LINGO2: variants seen among roughly 807,000 people sequenced by gnomAD.
LINGO2 encodes leucine-rich repeat and immunoglobulin-like domain-containing nogo receptor-interacting protein 2.
In LINGO2, 14 loss-of-function variants were observed where a neutral mutation model predicts 30.6. That is an observed-to-expected ratio of 0.46 (90% CI 0.30 to 0.72). LINGO2 has a LOEUF of 0.72. Ranked by LOEUF, LINGO2 falls within the 30% of genes least tolerant of loss-of-function variation. LINGO2 has a pLI of 0.07. For synonymous variants in LINGO2, 317 were observed against 288.5 expected, an observed-to-expected ratio of 1.10 and a Z score of -1.00; for missense variants, 729 against 751.7, an observed-to-expected ratio of 0.97 and a Z score of 0.35.
the LINGO2 span, among the ~76,000 whole-genome samples, chr9:29,043,657 C>T: frequency 1.3e-5 from 2 of 151,856 alleles, no homozygotes; most frequent in African/African-American, 4.8e-5. Context: ...AAGGGATTGC[C>T]AGGTTAAGTA....
chr9:29,028,808 A>C, the LINGO2 span, among the ~76,000 whole-genome samples: 1 of 152,204 alleles, frequency 6.6e-6, no homozygotes, highest in African/African-American at 2.4e-5. Flanking sequence ...GGCAACCCAG[A>C]CTCCAGCAAG....
At chr9:28,059,056 T>G (rs1825055625) in intron 4 of LINGO2, among the ~76,000 whole-genome samples, 1 of 152,058 alleles carries the variant, frequency 6.6e-6, no homozygotes, top group Admixed American at 6.6e-5. Flanking sequence ...TTCCTAGTAG[T>G]TAGGCTGTTG....
At chr9:28,432,761 T>C (rs1823730698) in intron 2 of LINGO2, among the ~76,000 whole-genome samples, 1 of 152,120 alleles carries the variant, frequency 6.6e-6, no homozygotes, top group Admixed American at 6.6e-5. Flanking sequence ...ACTTTTAAAA[T>C]ACAGGATTCT....
intron 2 of LINGO2, among the ~76,000 whole-genome samples, chr9:28,454,073 G>A (rs1458802375): frequency 1.3e-5 from 2 of 151,982 alleles, no homozygotes; most frequent in Non-Finnish European, 2.9e-5. Flanking sequence ...CTTGAGTAAT[G>A]AGAGTGTCAC....
intron 5 of LINGO2, among the ~76,000 whole-genome samples, chr9:27,992,379 C>T (rs181490638): frequency 2.0e-5 from 3 of 152,120 alleles, no homozygotes; most frequent in Admixed American, 6.6e-5. Context: ...GTAATGTATG[C>T]ACTTACATAA....
the LINGO2 span, among the ~76,000 whole-genome samples, chr9:29,014,225 CA>C: frequency 1.3e-5 from 2 of 152,060 alleles, no homozygotes; most frequent in Non-Finnish European, 2.9e-5. Context: ...CTACCACCAC[CA>C]ATTTTGGAGA....
intron 3 of LINGO2, among the ~76,000 whole-genome samples, chr9:28,307,379 AC>A (rs577254511): frequency 0.018 from 2,665 of 152,082 alleles, 37 homozygotes; most frequent in Non-Finnish European, 0.026. Context: ...AAATTCAACA[AC>A]CCTTCATGCT....
At position 28,155,571 on chromosome 9, in the gene LINGO2, A is replaced by T. The variant is rs1394501342; in HGVS notation, c.-87+139637T>A. Among the ~76,000 whole-genome samples, 3 of 152,330 alleles carry T rather than the reference A, an allele frequency of 2.0e-5. No individual in the cohort carries two copies. In the East Asian group the frequency reaches 5.8e-4, roughly 29 times the overall value. On this transcript the variant is annotated intron_variant, in intron 4 of 5. Transcript: ENST00000379992. ...GTGGAAATGAAGTTTTTTCTAAAAT[A>T]TGTTCCATGAACATGGCAGAATAAA... is the stretch of plus-strand genomic sequence containing the variant.
intron 1 of LINGO2, among the ~76,000 whole-genome samples, chr9:28,593,592 T>TA (rs1825030187): frequency 6.6e-6 from 1 of 152,116 alleles, no homozygotes; most frequent in Non-Finnish European, 1.5e-5. Context: ...TTAGGTTTCA[T>TA]AAAATACTCC....
chr9:28,603,288 G>T (rs1389145383), intron 1 of LINGO2, among the ~76,000 whole-genome samples: 1 of 151,992 alleles, frequency 6.6e-6, no homozygotes, highest in Non-Finnish European at 1.5e-5. Flanking sequence ...CCTGCTTGTA[G>T]ATACTATGCA....
At chr9:28,232,421 A>C (rs1037736310) in intron 4 of LINGO2, among the ~76,000 whole-genome samples, 4 of 143,134 alleles carry the variant, frequency 2.8e-5, no homozygotes, top group Non-Finnish European at 4.7e-5. Flanking sequence ...CTATCTCACA[A>C]AAAAAAAAAA....
chr9:29,072,103 A>G, the LINGO2 span, among the ~76,000 whole-genome samples: 2 of 152,070 alleles, frequency 1.3e-5, no homozygotes, highest in African/African-American at 4.8e-5. Flanking sequence ...AAACTTGGTA[A>G]AGTTACTTCA....
chr9:28,017,282 C>A (rs1284084023), intron 4 of LINGO2, among the ~76,000 whole-genome samples: 1 of 152,026 alleles, frequency 6.6e-6, no homozygotes, highest in Non-Finnish European at 1.5e-5. Context: ...AACTAGAATA[C>A]CACAAGGATG....
At chr9:28,828,985 T>C in the LINGO2 span, among the ~76,000 whole-genome samples, 1 of 152,092 alleles carries the variant, frequency 6.6e-6, no homozygotes, top group African/African-American at 2.4e-5. Context: ...AGTGAGAACA[T>C]GCAATCCTGT....
the LINGO2 span, among the ~76,000 whole-genome samples, chr9:28,703,389 C>T: frequency 5.9e-4 from 89 of 151,482 alleles, no homozygotes; most frequent in Admixed American, 4.4e-3. Flanking sequence ...GTTATTTAGA[C>T]GTGTGTTGTT....
intron 1 of LINGO2, among the ~76,000 whole-genome samples, chr9:28,544,706 G>A (rs984868659): frequency 3.3e-5 from 5 of 151,188 alleles, no homozygotes; most frequent in Non-Finnish European, 7.4e-5. Context: ...CAATATATGT[G>A]AGTACACTGA....
chr9:28,701,116 T>A, the LINGO2 span, among the ~76,000 whole-genome samples: 1 of 152,156 alleles, frequency 6.6e-6, no homozygotes, highest in Middle Eastern at 3.4e-3. Flanking sequence ...AACATTCACA[T>A]TATCTTAACA....
At chr9:28,569,896 T>C (rs1304734157) in intron 1 of LINGO2, among the ~76,000 whole-genome samples, 1 of 151,984 alleles carries the variant, frequency 6.6e-6, no homozygotes, top group Non-Finnish European at 1.5e-5. Context: ...CAACATTGTA[T>C]ACCTTAAATA....
the LINGO2 span, among the ~76,000 whole-genome samples, chr9:28,679,498 G>C: frequency 6.6e-6 from 1 of 151,982 alleles, no homozygotes; most frequent in Non-Finnish European, 1.5e-5. Flanking sequence ...CAGATACCTA[G>C]AGTTCCTAGC....
Sources: allele counts gnomAD v4.1 joint callset (sites outside exome capture counted in the v4.1 genomes callset), GRCh38; gene constraint gnomAD v4.1.1; transcripts MANE v1.5; gene names NCBI Gene and HGNC (gene_info 2026-07-23, HGNC 2026-07-21).